PTPRG: variants seen among roughly 807,000 people sequenced by gnomAD.
PTPRG encodes the protein protein tyrosine phosphatase receptor type G.
PTPRG carries 102 observed loss-of-function variants against 165.3 expected under a neutral mutation model. The observed-to-expected ratio is 0.62, with a 90% CI of 0.53 to 0.73. The LOEUF (loss-of-function observed/expected upper bound fraction) is 0.73, where lower values mean the gene tolerates loss of function less well. PTPRG is among the 30% of genes least tolerant of loss of function. The pLI, the probability that PTPRG is intolerant of heterozygous loss-of-function variation, is 0.00. For synonymous variants in PTPRG, 675 were observed against 669.5 expected (o/e 1.01, Z -0.13); for missense variants, 1,866 against 1,861.4 (o/e 1.00, Z -0.05).
chr3:61,671,038 A>G (rs953658827), intron 1 of PTPRG, among the ~76,000 whole-genome samples: 4 of 151,858 alleles, frequency 2.6e-5, no homozygotes, highest in Non-Finnish European at 5.9e-5. Context: ...CCAAGCTGTC[A>G]CAGAGTCCAG....
At chr3:61,692,418 CAT>C (rs2030275926) in intron 1 of PTPRG, among the ~76,000 whole-genome samples, 2 of 152,262 alleles carry the variant, frequency 1.3e-5, no homozygotes, top group South Asian at 4.2e-4. Flanking sequence ...GGTTGTGGCA[CAT>C]GTTGTTTGGT....
chr3:61,829,270 T>C (rs2036200764), intron 2 of PTPRG, among the ~76,000 whole-genome samples: 1 of 152,266 alleles, frequency 6.6e-6, no homozygotes, highest in Admixed American at 6.5e-5. Context: ...TACATTAATG[T>C]CAAGGAAGTG....
At chr3:61,674,520 G>A (rs958241432) in intron 1 of PTPRG, among the ~76,000 whole-genome samples, 5 of 137,120 alleles carry the variant, frequency 3.6e-5, no homozygotes, top group Non-Finnish European at 7.8e-5. Flanking sequence ...AGCCATATTA[G>A]TACTCTATAA....
At chr3:61,575,730 G>C (rs1374055799) in intron 1 of PTPRG, among the ~76,000 whole-genome samples, 10 of 151,516 alleles carry the variant, frequency 6.6e-5, no homozygotes, top group Non-Finnish European at 1.5e-4. Flanking sequence ...CTCCTGAGTA[G>C]CTGGAATTAC....
At chr3:61,995,084 CTTTTT>C (rs761499179) in intron 3 of PTPRG, among the ~76,000 whole-genome samples, 2 of 35,392 alleles carry the variant, frequency 5.7e-5, no homozygotes, top group African/African-American at 1.1e-4. Context: ...TTCTTTCTTT[CTTTTT>C]TTTTTTTTTT....
At chr3:62,036,479 TGA>T (rs1394840931) in intron 4 of PTPRG, among the ~76,000 whole-genome samples, 1 of 152,146 alleles carries the variant, frequency 6.6e-6, no homozygotes, top group Non-Finnish European at 1.5e-5. Context: ...GAGAATTGGA[TGA>T]GAGAGTGCAG....
intron 1 of PTPRG, among the ~76,000 whole-genome samples, chr3:61,611,949 T>C (rs1322113319): frequency 6.6e-6 from 1 of 152,148 alleles, no homozygotes; most frequent in African/African-American, 2.4e-5. Context: ...AAGGGTTTTT[T>C]GTTTTATTTT....
intron 4 of PTPRG, among the ~76,000 whole-genome samples, chr3:62,006,692 C>G (rs1460395152): frequency 1.3e-5 from 2 of 152,088 alleles, no homozygotes; most frequent in African/African-American, 4.8e-5. Context: ...GCATCTCCCC[C>G]CTGCACCCTG....
chr3:61,648,280 A>C (rs959340243), intron 1 of PTPRG, among the ~76,000 whole-genome samples: 2 of 152,230 alleles, frequency 1.3e-5, no homozygotes, highest in African/African-American at 4.8e-5. Flanking sequence ...ATAAGGTCTC[A>C]TGACTGCATC....
At chr3:61,842,899 C>G (rs2036682836) in intron 2 of PTPRG, among the ~76,000 whole-genome samples, 1 of 152,098 alleles carries the variant, frequency 6.6e-6, no homozygotes, top group Non-Finnish European at 1.5e-5. Flanking sequence ...TAAGAACAAA[C>G]TTTTATTCTG....
chr3:61,603,057 T>C (rs1489067423), intron 1 of PTPRG, among the ~76,000 whole-genome samples: 1 of 152,176 alleles, frequency 6.6e-6, no homozygotes, highest in African/African-American at 2.4e-5. Flanking sequence ...TACTTCATTT[T>C]GGTGCTTTGA....
intron 4 of PTPRG, among the ~76,000 whole-genome samples, chr3:62,019,176 C>T (rs2107755940): frequency 6.6e-6 from 1 of 152,158 alleles, no homozygotes; most frequent in East Asian, 1.9e-4. Flanking sequence ...CCCTCTGCGA[C>T]CTCCTGAATC....
At chr3:61,811,258 C>T (rs1171810762) in intron 2 of PTPRG, among the ~76,000 whole-genome samples, 1 of 152,152 alleles carries the variant, frequency 6.6e-6, no homozygotes, top group Non-Finnish European at 1.5e-5. Context: ...CTGCTAGGTA[C>T]CATGAGAAAA....
intron 15 of PTPRG, among the ~76,000 whole-genome samples, chr3:62,249,946 G>A (rs1040105326): frequency 2.0e-5 from 3 of 152,168 alleles, no homozygotes; most frequent in Non-Finnish European, 2.9e-5. Flanking sequence ...CTTGGTCCCT[G>A]TTAGGCAGTT....
intron 1 of PTPRG, among the ~76,000 whole-genome samples, chr3:61,678,913 G>C (rs149017478): frequency 2.6e-5 from 4 of 152,028 alleles, no homozygotes; most frequent in African/African-American, 9.6e-5. Context: ...CCCCTCATTA[G>C]TATCTCTGTA....
At chr3:62,200,941 C>G (rs1700083159) in intron 10 of PTPRG, among the ~76,000 whole-genome samples, 1 of 151,974 alleles carries the variant, frequency 6.6e-6, no homozygotes, top group South Asian at 2.1e-4. Flanking sequence ...AAATCATGAC[C>G]AAAAAGATAG....
intron 12 of PTPRG, among the ~76,000 whole-genome samples, chr3:62,208,667 T>C (rs760987612): frequency 1.3e-5 from 2 of 152,176 alleles, no homozygotes; most frequent in Non-Finnish European, 2.9e-5. Flanking sequence ...GGGCTGCTAT[T>C]CTGCTTTGAG....
Position 62,281,618 on chromosome 3 carries a change from C to T in PTPRG, c.3821C>T (p.Ala1274Val), listed in dbSNP as rs201725005. ...PSREESMNCE[A>V]FTVTLISKDR... is the part of the protein sequence containing the mutation. ...CGAGAAGAATCCATGAACTGTGAGG[C>T]CTTTACCGTCACCCTTATCAGCAAA... The change falls in exon 27 of 30, where the codon GCC (alanine) becomes GTC (valine). Residue 1274 changes from alanine (A) to valine (V), a missense_variant. This residue lies in a region of PTPRG where 1,452 missense variants were observed against 1,463.0 expected (regional missense o/e 0.99). Coordinates refer to ENST00000474889, the MANE Select transcript of PTPRG (RefSeq NM_002841.4). 6.2e-4 allele frequency: 963 copies of T among 1,562,782 alleles called. 1 individual carries two copies. The highest frequency in any genetic ancestry group is 7.9e-4 in the Non-Finnish European group (907 of 1,153,172).
intron 20 of PTPRG, among the ~76,000 whole-genome samples, chr3:62,270,613 G>GT (rs1299677691): frequency 6.6e-6 from 1 of 152,126 alleles, no homozygotes; most frequent in East Asian, 1.9e-4. Flanking sequence ...AAAAATGAGA[G>GT]TTAACAGAAG....
Sources: allele counts gnomAD v4.1 joint callset (sites outside exome capture counted in the v4.1 genomes callset), GRCh38; gene constraint gnomAD v4.1.1; regional missense constraint gnomAD v4.1.1; transcripts MANE v1.5; gene names NCBI Gene and HGNC (gene_info 2026-07-23, HGNC 2026-07-21).